MIS18A: variants seen among roughly 807,000 people sequenced by gnomAD.
MIS18A encodes the protein protein Mis18-alpha.
A neutral mutation model predicts 25.0 loss-of-function variants in MIS18A; 14 were observed. That is an observed-to-expected ratio of 0.56 (90% CI 0.37 to 0.88). The LOEUF is 0.88. Among genes scored for constraint, MIS18A ranks in the 40% least tolerant of loss-of-function variants. The pLI, the probability that MIS18A is intolerant of heterozygous loss-of-function variation, is 0.00. For synonymous variants in MIS18A, 134 were observed against 118.6 expected (o/e 1.13, Z -0.84); for missense variants, 292 against 290.8 (o/e 1.00, Z -0.03).
At chr21:32,199,199 C>T in the MIS18A span, among the ~76,000 whole-genome samples, 4 of 152,200 alleles carry the variant, frequency 2.6e-5, no homozygotes, top group South Asian at 2.1e-4. Context: ...CCTATATCTG[C>T]GCTTTTAACA....
At chr21:32,156,163 A>G in the MIS18A span, among the ~76,000 whole-genome samples, 60 of 151,802 alleles carry the variant, frequency 4.0e-4, 1 homozygote, top group East Asian at 0.01. Flanking sequence ...TCATTTACAA[A>G]TCAAACAGCT....
chr21:32,196,911 G>A, the MIS18A span, among the ~76,000 whole-genome samples: 1 of 152,096 alleles, frequency 6.6e-6, no homozygotes, highest in African/African-American at 2.4e-5. Context: ...CTAACACACA[G>A]TCTAAACCTA....
chr21:32,157,925 A>G, the MIS18A span, among the ~76,000 whole-genome samples: 1 of 152,264 alleles, frequency 6.6e-6, no homozygotes, highest in African/African-American at 2.4e-5. Context: ...GACTTTGAGA[A>G]TTTTAAATTA....
chr21:32,267,203 C>A (rs1193304074), downstream of MIS18A, among the ~76,000 whole-genome samples: 1 of 152,220 alleles, frequency 6.6e-6, no homozygotes, highest in Non-Finnish European at 1.5e-5. Context: ...TTCAGGGATG[C>A]CACAGGTTGA....
chr21:32,206,809 C>T, the MIS18A span, among the ~76,000 whole-genome samples: 1 of 152,150 alleles, frequency 6.6e-6, no homozygotes, highest in African/African-American at 2.4e-5. Context: ...TCTTAAGGAA[C>T]AATGCCCAGC....
the MIS18A span, among the ~76,000 whole-genome samples, chr21:32,193,466 T>C: frequency 7.0e-6 from 1 of 142,344 alleles, no homozygotes; most frequent in South Asian, 2.4e-4. Flanking sequence ...AATAGGTTGA[T>C]GATAGATAGA....
the MIS18A span, among the ~76,000 whole-genome samples, chr21:32,236,507 T>C: frequency 6.6e-6 from 1 of 152,184 alleles, no homozygotes; most frequent in Non-Finnish European, 1.5e-5. Context: ...TTCTGTCTTA[T>C]GTAGAAGTCC....
chr21:32,259,615 G>A, the MIS18A span, among the ~76,000 whole-genome samples: 1 of 152,182 alleles, frequency 6.6e-6, no homozygotes, highest in Non-Finnish European at 1.5e-5. Flanking sequence ...GCAGCAGGTG[G>A]TTTTCAATGC....
the MIS18A span, among the ~76,000 whole-genome samples, chr21:32,193,532 A>G: frequency 6.6e-6 from 1 of 152,006 alleles, no homozygotes; most frequent in South Asian, 2.1e-4. Flanking sequence ...GGATAGATCG[A>G]TCGATCTAAT....
the MIS18A span, among the ~76,000 whole-genome samples, chr21:32,187,641 C>A: frequency 6.6e-6 from 1 of 152,162 alleles, no homozygotes; most frequent in Non-Finnish European, 1.5e-5. Context: ...AGCTGACAGA[C>A]AAGAAGGTGA....
downstream of MIS18A, among the ~76,000 whole-genome samples, chr21:32,263,472 G>A (rs1034978214): frequency 4.5e-4 from 69 of 152,240 alleles, no homozygotes; most frequent in African/African-American, 1.5e-3. Flanking sequence ...GTGGTGGCAC[G>A]CGCCTGTAGT....
the MIS18A span, among the ~76,000 whole-genome samples, chr21:32,252,149 G>GCACT: frequency 4.0e-5 from 6 of 150,720 alleles, no homozygotes; most frequent in Admixed American, 4.0e-4. Flanking sequence ...TTACACCACT[G>GCACT]CACTCCAGTC....
chr21:32,241,068 G>A, the MIS18A span, among the ~76,000 whole-genome samples: 3 of 152,162 alleles, frequency 2.0e-5, no homozygotes, highest in Non-Finnish European at 4.4e-5. Context: ...ACATTTAAAT[G>A]TTAAGATTAT....
rs56768797 is a variant in MIS18A, at chr21:32,268,655, T to C, written c.*382A>G. On this transcript the variant is annotated 3_prime_UTR_variant, in exon 5 of 5. Transcript: ENST00000290130. ...ACAGAGGAAAAAAAGTTCAGAAAAT[T>C]ATCCCAGTTTCTTATCAAAATCAAA... The C allele has an allele frequency of 0.074, 11,530 of 155,766 alleles. 765 individuals are homozygous for C. The highest frequency in any genetic ancestry group is 0.18 in the African/African-American group (7,391 of 41,682). 9.6% of individuals were successfully genotyped at this position (155,766 alleles called of 1,614,324 possible). A position where few individuals can be genotyped will look rare whatever the true frequency, so the allele number is the denominator to read the frequency against.
the MIS18A span, among the ~76,000 whole-genome samples, chr21:32,251,045 T>C: frequency 1.3e-5 from 2 of 152,146 alleles, no homozygotes; most frequent in Non-Finnish European, 2.9e-5. Context: ...CTCTCATTCT[T>C]CTCCTTCCTG....
chr21:32,269,153 C>T (rs758834196), intron 4 of MIS18A, 36 bp from the exon 5 acceptor site: 16 of 1,406,734 alleles, frequency 1.1e-5, no homozygotes, highest in Middle Eastern at 2.0e-4. Flanking sequence ...TAAAGAAACA[C>T]ACATATAATT....
At chr21:32,163,750 C>A in the MIS18A span, among the ~76,000 whole-genome samples, 1 of 152,116 alleles carries the variant, frequency 6.6e-6, no homozygotes, top group Non-Finnish European at 1.5e-5. Flanking sequence ...AGTTGAGTGG[C>A]AGGACATTTC....
the MIS18A span, among the ~76,000 whole-genome samples, chr21:32,182,271 T>C: frequency 0.26 from 40,100 of 152,094 alleles, 5,895 homozygotes; most frequent in East Asian, 0.42. Context: ...TGGCTCTAGA[T>C]AGGGAGCAAT....
chr21:32,270,262 CAAAA>C, intron 3 of MIS18A, 141 bp downstream of exon 3: 2 of 782,190 alleles, frequency 2.6e-6, no homozygotes, highest in Non-Finnish European at 1.8e-6. Flanking sequence ...GAGGTCAAAG[CAAAA>C]AAAAAAAAAA....
Sources: allele counts gnomAD v4.1 joint callset (sites outside exome capture counted in the v4.1 genomes callset), GRCh38; gene constraint gnomAD v4.1.1; transcripts MANE v1.5; gene names NCBI Gene and HGNC (gene_info 2026-07-23, HGNC 2026-07-21).